Variants in PHLPP1 observed in about 807,000 individuals in gnomAD.
The protein encoded by PHLPP1 is PH domain and leucine rich repeat protein phosphatase 1.
A neutral mutation model predicts 117.2 loss-of-function variants in PHLPP1; 42 were observed. The ratio of observed to expected loss-of-function variants is 0.36; its 90% CI spans 0.28 to 0.46. PHLPP1 has a LOEUF of 0.46. Among genes scored for constraint, PHLPP1 ranks in the 20% least tolerant of loss-of-function variants. The pLI is 1.00. For synonymous variants in PHLPP1, 1,042 were observed against 970.7 expected (o/e 1.07, Z -1.37); for missense variants, 2,084 against 2,241.9 (o/e 0.93, Z 1.42).
intron 1 of PHLPP1, among the ~76,000 whole-genome samples, chr18:62,800,477 A>C (rs1190429246): frequency 6.6e-6 from 1 of 152,110 alleles, no homozygotes; most frequent in Non-Finnish European, 1.5e-5. Context: ...GGTGATCTCA[A>C]CTTTTTTTCT....
chr18:62,793,782 A>G (rs991672754), intron 1 of PHLPP1, among the ~76,000 whole-genome samples: 7 of 152,172 alleles, frequency 4.6e-5, no homozygotes, highest in African/African-American at 1.4e-4. Context: ...TCTAGAGTCT[A>G]TTCTCTTAAC....
At chr18:62,905,734 G>A (rs8089852) in intron 8 of PHLPP1, among the ~76,000 whole-genome samples, 45 of 151,644 alleles carry the variant, frequency 3.0e-4, no homozygotes, top group African/African-American at 1.7e-4. Flanking sequence ...ATATCTCTTC[G>A]CTAAAAATTC....
chr18:62,901,016 G>A (rs1417842517), intron 6 of PHLPP1, among the ~76,000 whole-genome samples: 1 of 152,208 alleles, frequency 6.6e-6, no homozygotes, highest in Non-Finnish European at 1.5e-5. Context: ...CAGTCATGGT[G>A]AGAGTTAACA....
chr18:62,925,167 A>G (rs1057019632), intron 10 of PHLPP1, among the ~76,000 whole-genome samples: 5 of 152,106 alleles, frequency 3.3e-5, no homozygotes, highest in African/African-American at 1.2e-4. Context: ...AGTGGATGAG[A>G]CATTGCCAGA....
At chr18:62,757,635 C>CT (rs1398088397) in intron 1 of PHLPP1, among the ~76,000 whole-genome samples, 1 of 152,174 alleles carries the variant, frequency 6.6e-6, no homozygotes, top group South Asian at 2.1e-4. Flanking sequence ...TCTATTATAG[C>CT]TTAAATATAA....
intron 4 of PHLPP1, among the ~76,000 whole-genome samples, chr18:62,874,365 C>T (rs534586465): frequency 1.3e-4 from 20 of 151,756 alleles, no homozygotes; most frequent in Non-Finnish European, 2.9e-4. Context: ...CAAACTTAGC[C>T]GGGCATGGTG....
chr18:62,962,221 C>G (rs891425008), intron 13 of PHLPP1, among the ~76,000 whole-genome samples: 4 of 152,152 alleles, frequency 2.6e-5, no homozygotes, highest in African/African-American at 7.2e-5. Context: ...GTTAATGACT[C>G]CCTGTTTAGG....
intron 4 of PHLPP1, among the ~76,000 whole-genome samples, chr18:62,872,365 T>TAGAGGGC (rs1365128543): frequency 1.3e-5 from 2 of 152,196 alleles, no homozygotes; most frequent in Non-Finnish European, 2.9e-5. Flanking sequence ...GAGGGCATCT[T>TAGAGGGC]TCACAAGGGA....
At chr18:62,759,094 T>C (rs1912126968) in intron 1 of PHLPP1, among the ~76,000 whole-genome samples, 1 of 152,226 alleles carries the variant, frequency 6.6e-6, no homozygotes, top group African/African-American at 2.4e-5. Flanking sequence ...AACTTGTAGC[T>C]ACTTTAAAAA....
At chr18:62,788,407 A>G (rs1913361264) in intron 1 of PHLPP1, among the ~76,000 whole-genome samples, 1 of 152,182 alleles carries the variant, frequency 6.6e-6, no homozygotes, top group African/African-American at 2.4e-5. Flanking sequence ...TACCAGGGAC[A>G]AGTTAGAAAT....
At position 62,975,604 on chromosome 18, in the gene PHLPP1, G is replaced by T. The variant is rs1157540499; in HGVS notation, c.3963G>T (p.Gln1321His). The change falls in exon 16 of 17, where the codon CAG (glutamine) becomes CAT (histidine). Residue 1321 changes from glutamine to histidine, a missense_variant. Coordinates refer to ENST00000262719, the MANE Select transcript of PHLPP1 (RefSeq NM_194449.4). ...SCEEELKRIK[Q>H]HKAIITEDGK... ...AAGAAGAGCTGAAGAGGATTAAACA[G>T]CACAAGGCCATTATCACTGAGGTGA... The T allele has an allele frequency of 4.3e-6, 7 of 1,611,288 alleles. No individual in the cohort carries two copies. The African/African-American group carries it at 9.3e-5, about 22-fold the overall frequency.
intron 3 of PHLPP1, among the ~76,000 whole-genome samples, chr18:62,846,937 G>A (rs931495717): frequency 5.9e-5 from 9 of 151,804 alleles, no homozygotes; most frequent in Non-Finnish European, 8.8e-5. Flanking sequence ...TTCCTGTAGC[G>A]GCTCTTGTTT....
intron 1 of PHLPP1, among the ~76,000 whole-genome samples, chr18:62,814,701 T>C (rs1406049734): frequency 6.6e-6 from 1 of 152,230 alleles, no homozygotes; most frequent in African/African-American, 2.4e-5. Flanking sequence ...GGTGCATTAT[T>C]TATCATGAGT....
chr18:62,959,196 T>G (rs1413061119), intron 13 of PHLPP1, among the ~76,000 whole-genome samples: 2 of 152,196 alleles, frequency 1.3e-5, no homozygotes, highest in Non-Finnish European at 2.9e-5. Flanking sequence ...ACCTTAAAGG[T>G]CTGCAGTAGG....
rs528567253 is a variant in PHLPP1 at position 62,884,644 on chromosome 18, C to G, written c.2067-10367C>G. On this transcript the variant is annotated intron_variant, in intron 4 of 16. Coordinates refer to ENST00000262719, the MANE Select transcript of PHLPP1 (RefSeq NM_194449.4). ...GAAGCCTAATAATTTCCAAAGTGGG[C>G]TAGCATGTGCCCCACAGAGGAAAAA... Among the ~76,000 whole-genome samples, 5 of 152,326 alleles carry G rather than the reference C, an allele frequency of 3.3e-5. No homozygotes were observed. In the South Asian group the frequency reaches 1.0e-3, roughly 32 times the overall value.
intron 14 of PHLPP1, among the ~76,000 whole-genome samples, chr18:62,967,920 G>A (rs938370184): frequency 3.3e-5 from 5 of 151,932 alleles, no homozygotes; most frequent in African/African-American, 1.2e-4. Flanking sequence ...CGCCTCCCGG[G>A]TTCAAGCAGT....
Position 62,894,938 on chromosome 18 carries a change from T to C in PHLPP1, c.2067-73T>C. The C allele has an allele frequency of 6.1e-6, 8 of 1,305,402 alleles. 1 individual carries two copies. The South Asian group carries it at 1.1e-4, about 18-fold the overall frequency. 80.9% of individuals were successfully genotyped at this position (1,305,402 alleles called of 1,614,324 possible). A position where few individuals can be genotyped will look rare whatever the true frequency, so the allele number is the denominator to read the frequency against. ...TTGGGAGTTGGGCTAGATTATCTCT[T>C]AGGCTATGCTAAAATTATGATGTTA... On this transcript the variant is annotated intron_variant, in intron 4 of 16. Coordinates refer to ENST00000262719, the MANE Select transcript of PHLPP1 (RefSeq NM_194449.4).
chr18:62,944,984 A>C (rs1910235327), intron 11 of PHLPP1, 125 bp from the exon 12 acceptor site: 1 of 679,388 alleles, frequency 1.5e-6, no homozygotes, highest in African/African-American at 1.9e-5. Context: ...GATAGTGAAA[A>C]AATGGTCTTG....
chr18:62,765,508 C>A (rs942590236), intron 1 of PHLPP1, among the ~76,000 whole-genome samples: 1 of 152,130 alleles, frequency 6.6e-6, no homozygotes, highest in Non-Finnish European at 1.5e-5. Context: ...CTCTATAAGC[C>A]ATTTGCTCAT....
Sources: gnomAD v4.1 joint callset for allele counts (sites outside exome capture counted in the v4.1 genomes callset) on GRCh38, gnomAD v4.1.1 for gene constraint, MANE v1.5 for transcripts, NCBI Gene and HGNC (gene_info 2026-07-23, HGNC 2026-07-21) for gene names.